NDUFS8: variants seen among roughly 807,000 people sequenced by gnomAD.
NDUFS8 encodes NADH:ubiquinone oxidoreductase core subunit S8.
A neutral mutation model predicts 25.6 loss-of-function variants in NDUFS8; 13 were observed. That is an observed-to-expected ratio of 0.51 (90% CI 0.33 to 0.81). The LOEUF is 0.81. Ranked by LOEUF, NDUFS8 falls within the 30% of genes least tolerant of loss-of-function variation. The pLI is 0.02. For missense variants in NDUFS8, 257 were observed against 300.9 expected, an observed-to-expected ratio of 0.85 and a Z score of 1.08; for synonymous variants, 119 against 119.4, an observed-to-expected ratio of 1.00 and a Z score of 0.02.
At chr11:68,032,867 C>G in intron 3 of NDUFS8, 56 bp from the exon 4 acceptor site, 1 of 1,562,564 alleles carries the variant, frequency 6.4e-7, no homozygotes, top group Non-Finnish European at 8.8e-7. Flanking sequence ...CCTGAGGCTC[C>G]AGGGAGACAG....
Position 68,032,264 on chromosome 11 carries a change from C to G in NDUFS8, c.59-22C>G, listed in dbSNP as rs3133266. 1,606,650 of 1,613,834 alleles carry G rather than the reference C, an allele frequency of 1. 800,025 individuals are homozygous for G. Among genetic ancestry groups the G allele is most frequent in the East Asian group, 1 (44,871 of 44,872 alleles). On this transcript the variant is annotated intron_variant, in intron 2 of 6. Coordinates refer to ENST00000313468, the MANE Select transcript of NDUFS8 (RefSeq NM_002496.4). ...AGGGGAGTCCAGTCTCCTGGTATGA[C>G]GTCACGCCCTTCTTTTTGCAGGACC...
chr11:68,036,266 A>T lies in NDUFS8; in HGVS notation c.386A>T (p.Glu129Val). 6.2e-7 allele frequency: 1 copy of T among 1,612,866 alleles called. No individual in the cohort carries two copies. The highest frequency in any genetic ancestry group is 8.5e-7 in the Non-Finnish European group (1 of 1,179,846). The stretch of plus-strand genomic sequence containing the variant: ...CCCCTCCCGCAGGCCATCACCATCG[A>T]GGCTGAGCCAAGAGCTGATGGCAGC... ...AICPAQAITI[E>V]AEPRADGSRR... Residue 129 changes from glutamate (E) to valine (V), a missense_variant, in exon 6 of 7, where the codon GAG (glutamate) becomes GTG (valine). Physicochemically the swap from Glu to Val is moderately radical, Grantham distance 121. Coordinates refer to ENST00000313468, the MANE Select transcript of NDUFS8 (RefSeq NM_002496.4).
Position 68,033,248 on chromosome 11 carries a change from G to A in NDUFS8, c.337G>A (p.Ala113Thr), listed in dbSNP as rs776572767. 6.2e-7 allele frequency: 1 copy of A among 1,610,340 alleles called. No homozygotes were observed. Among genetic ancestry groups the A allele is most frequent in the Non-Finnish European group, 8.5e-7 (1 of 1,179,174 alleles). The change falls in exon 5 of 7, where the codon GCC becomes ACC. Residue 113 changes from alanine (A) to threonine (T), a missense_variant. Coordinates refer to ENST00000313468, the MANE Select transcript of NDUFS8 (RefSeq NM_002496.4). ...CCCATCCGGGGAGGAGCGTTGCATTGCCTGCAAGCTCTGCGAGGCCATCTG... is the reference window on the plus strand; with the variant it reads ...CCCATCCGGGGAGGAGCGTTGCATTACCTGCAAGCTCTGCGAGGCCATCTG... The part of the protein sequence containing the change: ...RYPSGEERCI[A>T]CKLCEAICPA...
chr11:68,034,918 A>C (rs1400868209), intron 5 of NDUFS8: 1 of 151,998 alleles, frequency 6.6e-6, no homozygotes, highest in East Asian at 1.9e-4. Flanking sequence ...AAAATACAAA[A>C]ATTAGCCGGG....
At chr11:68,030,925 G>A in intron 1 of NDUFS8, 192 bp downstream of exon 1, 1 of 419,792 alleles carries the variant, frequency 2.4e-6, no homozygotes, top group Non-Finnish European at 4.8e-6. Flanking sequence ...CCCGCTCTGC[G>A]CCACCGGCCT....
intron 5 of NDUFS8, chr11:68,035,917 G>T (rs1854879227): frequency 5.4e-6 from 2 of 372,936 alleles, no homozygotes; most frequent in South Asian, 2.1e-5. Flanking sequence ...TACTCAGGGG[G>T]CTGAGGCAGG....
At chr11:68,032,007 C>T (rs927763766) in intron 1 of NDUFS8, 145 bp from the exon 2 acceptor site, 2 of 1,191,512 alleles carry the variant, frequency 1.7e-6, no homozygotes, top group African/African-American at 3.0e-5. Flanking sequence ...AACAGGAAAG[C>T]CATCTGTGCC....
rs1854799037 is a variant in NDUFS8 at position 68,032,895 on chromosome 11, C to T, written c.110-28C>T. On this transcript the variant is annotated intron_variant, in intron 3 of 6. Transcript: ENST00000313468. ...GGAGACAGTGTGTGAGGCCTCTTGC[C>T]ATGGCCTCCCTGCCCGCCTCTCTGC... 3 of 1,608,900 alleles carry T rather than the reference C, an allele frequency of 1.9e-6. No individual in the cohort carries two copies. The East Asian group carries it at 6.7e-5, about 36-fold the overall frequency.
intron 1 of NDUFS8, chr11:68,031,051 G>T: frequency 3.3e-6 from 1 of 306,252 alleles, no homozygotes; most frequent in South Asian, 2.3e-5. Context: ...CGTGGGATGA[G>T]CTCTTATGAG....
intron 5 of NDUFS8, 168 bp from the exon 6 acceptor site, chr11:68,036,085 A>C: frequency 5.2e-6 from 5 of 961,064 alleles, no homozygotes; most frequent in African/African-American, 3.3e-5. Flanking sequence ...CTGAGGAGAC[A>C]GGCGCGAGCA....
At chr11:68,031,252 C>T in intron 1 of NDUFS8, 1 of 183,444 alleles carries the variant, frequency 5.5e-6, no homozygotes, top group Non-Finnish European at 1.2e-5. Context: ...GAATGTGGTA[C>T]CGAGGACTGT....
intron 5 of NDUFS8, chr11:68,034,283 TGAGA>T (rs1490362699): frequency 1.3e-5 from 2 of 152,258 alleles, no homozygotes; most frequent in Non-Finnish European, 2.9e-5. Flanking sequence ...ACCCAGGAAC[TGAGA>T]GTTAGGACGT....
chr11:68,036,013 A>T, intron 5 of NDUFS8: 3 of 409,440 alleles, frequency 7.3e-6, no homozygotes, highest in Non-Finnish European at 1.3e-5. Flanking sequence ...GCGAGACTCT[A>T]TCTCAAAAAA....
intron 5 of NDUFS8, 119 bp downstream of exon 5, chr11:68,033,402 C>T (rs947727445): frequency 3.3e-6 from 4 of 1,224,188 alleles, no homozygotes; most frequent in Non-Finnish European, 4.6e-6. Flanking sequence ...AAGTCCCTTT[C>T]CCCCTCTGAG....
chr11:68,032,061 T>A (rs1854775652), intron 1 of NDUFS8, 91 bp from the exon 2 acceptor site: 5 of 1,585,812 alleles, frequency 3.2e-6, no homozygotes, highest in Non-Finnish European at 4.3e-6. Context: ...GTGACACATG[T>A]CAGTGGAGAC....
Position 68,033,239 on chromosome 11 carries a change from CG to C in NDUFS8, c.329del (p.Arg110LeufsTer38). 6.2e-7 allele frequency: 1 copy of C among 1,611,006 alleles called. No homozygotes were observed. Among genetic ancestry groups the C allele is most frequent in the Non-Finnish European group, 8.5e-7 (1 of 1,179,348 alleles). On this transcript the variant is annotated frameshift_variant, in exon 5 of 7. Transcript: ENST00000313468. LOFTEE classifies it high-confidence loss of function. ...ALRRYPSGEERCIACKLCEAI... is the reference protein window; with the variant it reads ...ALRRYPSGEEXCIACKLCEAI... ...GCGCCGGTACCCATCCGGGGAGGAG[CG>C]TTGCATTGCCTGCAAGCTCTGCGAG...
At position 68,032,690 on chromosome 11, in the gene NDUFS8, C is replaced by T. The variant is rs181771441; in HGVS notation, c.110-233C>T. 2,774 of 820,130 alleles carry T rather than the reference C, an allele frequency of 3.4e-3. 75 individuals are homozygous for T. Among genetic ancestry groups the T allele is most frequent in the Non-Finnish European group, 3.6e-4 (191 of 527,808 alleles). The allele number at this position is 820,130 out of a possible 1,614,324, so 50.8% of individuals were successfully genotyped here. A position where few individuals can be genotyped will look rare whatever the true frequency, so the allele number is the denominator to read the frequency against. On this transcript the variant is annotated intron_variant, in intron 3 of 6. Transcript: ENST00000313468. ...TCAAGCCCTGTTGGGCAGGGAAGTG[C>T]GTCTGGGCTCCAATGGCCACCCAAG...
In NDUFS8 at chr11:68,034,126, C is replaced by T. The variant is rs552711641; in HGVS notation, c.372+843C>T. 73 of 154,502 alleles carry T rather than the reference C, an allele frequency of 4.7e-4. 1 individual carries two copies. The South Asian group carries it at 0.014, about 29-fold the overall frequency. 9.6% of individuals were successfully genotyped at this position (154,502 alleles called of 1,614,324 possible). A position where few individuals can be genotyped will look rare whatever the true frequency, so the allele number is the denominator to read the frequency against. On this transcript the variant is annotated intron_variant, in intron 5 of 6. Coordinates refer to ENST00000313468, the MANE Select transcript of NDUFS8 (RefSeq NM_002496.4). Reference sequence around the variant, plus strand: ...CTCGAGGAGGTCGAGGTTATTGTCTCCATCTTTATAAGCACTAAAGGATGA... The same window carrying T: ...CTCGAGGAGGTCGAGGTTATTGTCTTCATCTTTATAAGCACTAAAGGATGA...
chr11:68,035,708 G>A (rs527387540), intron 5 of NDUFS8: 6 of 454,936 alleles, frequency 1.3e-5, no homozygotes, highest in Admixed American at 1.2e-4. Context: ...CTTGGCAGAT[G>A]ACGCCAGCAG....
Sources: gnomAD v4.1 joint callset for allele counts on GRCh38, gnomAD v4.1.1 for gene constraint, MANE v1.5 for transcripts, NCBI Gene and HGNC (gene_info 2026-07-23, HGNC 2026-07-21) for gene names.